Variants in NTN4 observed in about 807,000 individuals in gnomAD.
NTN4 encodes netrin 4.
Under a neutral mutation model 73.6 loss-of-function variants are expected in NTN4, and 32 were observed. The ratio of observed to expected loss-of-function variants is 0.44; its 90% CI spans 0.33 to 0.58. NTN4 has a LOEUF of 0.58. Ranked by LOEUF, NTN4 falls within the 20% of genes least tolerant of loss-of-function variation. The pLI is 0.04. For missense variants in NTN4, 654 were observed against 798.3 expected (o/e 0.82, Z 2.18); for synonymous variants, 258 against 287.5 (o/e 0.90, Z 1.04).
chr12:95,761,806 T>C (rs2078990534), intron 2 of NTN4, among the ~76,000 whole-genome samples: 2 of 152,188 alleles, frequency 1.3e-5, no homozygotes, highest in Non-Finnish European at 2.9e-5. Flanking sequence ...TACATTTCTA[T>C]TAACACATAG....
chr12:95,716,258 T>G (rs1203332411), intron 3 of NTN4, among the ~76,000 whole-genome samples: 12 of 152,210 alleles, frequency 7.9e-5, no homozygotes, highest in Non-Finnish European at 1.8e-4. Flanking sequence ...ATTAGTGCTG[T>G]CTGTATAAAA....
rs577315156 is a variant in NTN4, at chr12:95,741,815, G to A, written c.586-3671C>T. Among the ~76,000 whole-genome samples the A allele has an allele frequency of 4.4e-4, 66 of 151,546 alleles. 1 individual carries two copies. Among genetic ancestry groups the A allele is most frequent in the Non-Finnish European group, 1.6e-4 (11 of 67,944 alleles). ...ATATTTACTGTACTCGCCTATTTTTGGACCATGGTTGATGGTTACTGAAAC... is the reference window on the plus strand; with the variant it reads ...ATATTTACTGTACTCGCCTATTTTTAGACCATGGTTGATGGTTACTGAAAC... On this transcript the variant is annotated intron_variant, in intron 2 of 9. Transcript: ENST00000343702.
chr12:95,659,870 AC>A (rs899481120), intron 9 of NTN4, among the ~76,000 whole-genome samples: 5 of 152,158 alleles, frequency 3.3e-5, no homozygotes, highest in Admixed American at 6.5e-5. Flanking sequence ...TGAGTCTAGA[AC>A]CTTTCCTTTG....
chr12:95,770,610 C>T (rs10777734), intron 2 of NTN4, among the ~76,000 whole-genome samples: 91,111 of 152,024 alleles, frequency 0.6, 28,090 homozygotes, highest in South Asian at 0.78. Context: ...TCAGAAGGGC[C>T]AGATTGGCTG....
At chr12:95,678,130 G>A (rs1228885095) in intron 7 of NTN4, among the ~76,000 whole-genome samples, 1 of 150,840 alleles carries the variant, frequency 6.6e-6, no homozygotes, top group Admixed American at 6.7e-5. Context: ...AGTGGGAGTT[G>A]AACAATGAGA....
chr12:95,770,901 AAGAAG>A (rs1450590667), intron 2 of NTN4, among the ~76,000 whole-genome samples: 2 of 152,184 alleles, frequency 1.3e-5, no homozygotes, highest in Non-Finnish European at 2.9e-5. Flanking sequence ...CAGGAAGGGG[AAGAAG>A]AGAAGAGAAA....
At chr12:95,687,493 C>T (rs753144733) in intron 5 of NTN4, among the ~76,000 whole-genome samples, 7 of 149,448 alleles carry the variant, frequency 4.7e-5, no homozygotes, top group African/African-American at 1.2e-4. Flanking sequence ...CTCTGTCTCC[C>T]GGGTTCAATC....
rs1182009716 is a variant in NTN4, at chr12:95,659,110, A to G, written c.1863T>C (p.Asp621=). 1 of 1,613,216 alleles carries G rather than the reference A, an allele frequency of 6.2e-7. No individual in the cohort carries two copies. Residue 621 remains aspartate, a synonymous_variant, in exon 10 of 10, where the codon GAT becomes GAC. Coordinates refer to ENST00000343702, the MANE Select transcript of NTN4 (RefSeq NM_021229.4). ...GCTACTTGCACTCTCTTTTTAAAATATCCATGACTTTTCTTCCAAGAGAAG... is the reference window on the plus strand; with the variant it reads ...GCTACTTGCACTCTCTTTTTAAAATGTCCATGACTTTTCTTCCAAGAGAAG... ...WKPSLGRKVM[D]ILKRECK
chr12:95,707,312 C>A (rs554860924), intron 5 of NTN4, among the ~76,000 whole-genome samples: 2 of 152,284 alleles, frequency 1.3e-5, no homozygotes, highest in East Asian at 1.9e-4. Flanking sequence ...CACGCTAACC[C>A]CCATGTTATT....
intron 2 of NTN4, 137 bp from the exon 3 acceptor site, chr12:95,738,281 G>C: frequency 3.8e-6 from 3 of 788,710 alleles, no homozygotes; most frequent in Non-Finnish European, 6.1e-6. Flanking sequence ...TTTAGACCTT[G>C]AGCACACCTG....
intron 4 of NTN4, among the ~76,000 whole-genome samples, chr12:95,712,695 G>GGTTTCAA (rs2078572863): frequency 6.6e-6 from 1 of 151,782 alleles, no homozygotes; most frequent in African/African-American, 2.4e-5. Flanking sequence ...TTCACCTCCC[G>GGTTTCAA]GTTTCAAGTG....
At chr12:95,688,883 A>G (rs1176617186) in intron 5 of NTN4, among the ~76,000 whole-genome samples, 1 of 151,418 alleles carries the variant, frequency 6.6e-6, no homozygotes, top group South Asian at 2.1e-4. Context: ...CAGCAACACC[A>G]TCAATCAGGA....
At chr12:95,680,731 G>A (rs184339870) in intron 7 of NTN4, among the ~76,000 whole-genome samples, 1 of 152,164 alleles carries the variant, frequency 6.6e-6, no homozygotes, top group African/African-American at 2.4e-5. Flanking sequence ...TTCAGAGATG[G>A]GCTCTTTCTA....
At position 95,682,721 on chromosome 12, in the gene NTN4, G is replaced by A. The variant is rs1439398678; in HGVS notation, c.1496C>T (p.Ala499Val). 24 of 1,611,254 alleles carry A rather than the reference G, an allele frequency of 1.5e-5. No individual in the cohort carries two copies. The highest frequency in any genetic ancestry group is 1.8e-5 in the Non-Finnish European group (21 of 1,177,848). ...WEWEDAQGFS[A>V]LLHSGKCECK... ...ATCCATCTCACCTGAGTGTAGAAGT[G>A]CAGAAAACCCCTGCGCATCCTCCCA... The change falls in exon 7 of 10, where the codon GCA becomes GTA. Residue 499 changes from alanine (A) to valine (V), a missense_variant. Coordinates refer to ENST00000343702, the MANE Select transcript of NTN4 (RefSeq NM_021229.4).
chr12:95,764,441 G>A (rs1255934371), intron 2 of NTN4, among the ~76,000 whole-genome samples: 1 of 152,200 alleles, frequency 6.6e-6, no homozygotes, highest in African/African-American at 2.4e-5. Context: ...GAGGCCAGCG[G>A]ATCACCTAAG....
chr12:95,663,053 G>C (rs1032926997), intron 9 of NTN4, among the ~76,000 whole-genome samples: 1 of 152,002 alleles, frequency 6.6e-6, no homozygotes, highest in African/African-American at 2.4e-5. Context: ...CTGGGAGGTC[G>C]AGGCTGCAGT....
intron 2 of NTN4, among the ~76,000 whole-genome samples, chr12:95,748,576 T>C (rs1261354837): frequency 1.3e-5 from 2 of 151,614 alleles, no homozygotes; most frequent in Non-Finnish European, 2.9e-5. Flanking sequence ...GTTCAAGTGA[T>C]TTTCCTGCCT....
At chr12:95,786,747 T>G (rs752946114) in intron 2 of NTN4, among the ~76,000 whole-genome samples, 192 bp downstream of exon 2, 3 of 152,186 alleles carry the variant, frequency 2.0e-5, no homozygotes, top group Non-Finnish European at 2.9e-5. Flanking sequence ...ACCCAGCCAG[T>G]GGGCAATCTG....
chr12:95,659,561 G>A (rs1442580069), intron 9 of NTN4, among the ~76,000 whole-genome samples: 1 of 152,088 alleles, frequency 6.6e-6, no homozygotes, highest in African/African-American at 2.4e-5. Flanking sequence ...GCCTCCCAAA[G>A]TGCTGGGATT....
Sources: gnomAD v4.1 joint callset for allele counts (sites outside exome capture counted in the v4.1 genomes callset) on GRCh38, gnomAD v4.1.1 for gene constraint, MANE v1.5 for transcripts, NCBI Gene and HGNC (gene_info 2026-07-23, HGNC 2026-07-21) for gene names.